CTNNA3: variants seen among roughly 807,000 people sequenced by gnomAD.
CTNNA3 encodes the protein catenin alpha 3.
CTNNA3 carries 76 observed loss-of-function variants against 95.7 expected under a neutral mutation model. The ratio of observed to expected loss-of-function variants is 0.79; its 90% CI spans 0.66 to 0.96. The LOEUF is 0.96. Among genes scored for constraint, CTNNA3 ranks in the 40% least tolerant of loss-of-function variants. The pLI, the probability that CTNNA3 is intolerant of heterozygous loss-of-function variation, is 0.00. For synonymous variants in CTNNA3, 431 were observed against 374.4 expected (o/e 1.15, Z -1.74); for missense variants, 1,191 against 1,089.8 (o/e 1.09, Z -1.31).
chr10:66,131,200 C>T (rs558952976), intron 13 of CTNNA3, among the ~76,000 whole-genome samples: 2 of 152,172 alleles, frequency 1.3e-5, no homozygotes, highest in South Asian at 4.1e-4. Context: ...AGGAGGTGCC[C>T]CCTCTTCAAC....
Position 66,976,641 on chromosome 10 carries a change from C to T in CTNNA3, c.1048-201117G>A, listed in dbSNP as rs557849331. ...ATTTTTGGCCCTTTTCAATACTAAT[C>T]AAACTTACTTTTCCAATCTTATTTT... On this transcript the variant is annotated intron_variant, in intron 7 of 17. Coordinates refer to ENST00000433211, the MANE Select transcript of CTNNA3 (RefSeq NM_013266.4). 3.3e-5 allele frequency among the ~76,000 whole-genome samples: 5 copies of T among 152,288 alleles called. No homozygotes were observed. The South Asian group carries it at 1.0e-3, about 32-fold the overall frequency.
intron 11 of CTNNA3, among the ~76,000 whole-genome samples, chr10:66,458,098 A>AC (rs1006861911): frequency 3.9e-5 from 6 of 152,054 alleles, no homozygotes; most frequent in African/African-American, 1.4e-4. Flanking sequence ...AAGCCCAGAA[A>AC]CCCCTCTCCT....
intron 7 of CTNNA3, among the ~76,000 whole-genome samples, chr10:67,046,944 A>ACTATATGTTTG (rs1854789805): frequency 2.6e-5 from 4 of 152,236 alleles, no homozygotes; most frequent in Non-Finnish European, 5.9e-5. Context: ...TAGGTAAAGA[A>ACTATATGTTTG]GAAATAATTA....
At chr10:66,271,465 C>G (rs535611797) in intron 13 of CTNNA3, among the ~76,000 whole-genome samples, 16 of 152,120 alleles carry the variant, frequency 1.1e-4, no homozygotes, top group African/African-American at 3.9e-4. Flanking sequence ...AGATTGAATA[C>G]TTAATATAAA....
chr10:65,951,359 C>T (rs905004471), intron 17 of CTNNA3, among the ~76,000 whole-genome samples: 2 of 152,028 alleles, frequency 1.3e-5, no homozygotes, highest in Non-Finnish European at 1.5e-5. Flanking sequence ...AAGAAATGGA[C>T]CCAAAGAGAT....
chr10:67,491,943 G>A lies in CTNNA3; in HGVS notation c.579+29899C>T, dbSNP rs376693709. Reference sequence around the variant, plus strand: ...ATTTACAATATATGATATATAATACGTTTAAATTTTGGACATCTTGAGCTT... The same window carrying A: ...ATTTACAATATATGATATATAATACATTTAAATTTTGGACATCTTGAGCTT... On this transcript the variant is annotated intron_variant, in intron 5 of 17. Transcript: ENST00000433211. 3.6e-4 allele frequency among the ~76,000 whole-genome samples: 55 copies of A among 152,094 alleles called. No homozygotes were observed. In the South Asian group the frequency reaches 8.5e-3, roughly 24 times the overall value.
At position 66,389,672 on chromosome 10, in the gene CTNNA3, T is replaced by C. The variant is rs181487374; in HGVS notation, c.1532-10320A>G. Among the ~76,000 whole-genome samples the C allele has an allele frequency of 5.9e-3, 901 of 152,068 alleles. 12 individuals carry two copies. Among genetic ancestry groups the C allele is most frequent in the Non-Finnish European group, 9.1e-3 (617 of 67,974 alleles). ...AGCACAATAAAATTTTGAAATGCAT[T>C]TTTAAAATTATAATTTTTTCTAGTT... On this transcript the variant is annotated intron_variant, in intron 11 of 17. Transcript: ENST00000433211.
intron 3 of CTNNA3, among the ~76,000 whole-genome samples, chr10:67,600,835 A>G (rs1843061690): frequency 6.6e-6 from 1 of 152,196 alleles, no homozygotes; most frequent in Non-Finnish European, 1.5e-5. Flanking sequence ...ACAGATAGAT[A>G]AATTATGGTT....
chr10:66,870,836 T>C (rs901441748), intron 7 of CTNNA3, among the ~76,000 whole-genome samples: 2 of 152,142 alleles, frequency 1.3e-5, no homozygotes, highest in African/African-American at 4.8e-5. Context: ...TGACCATAGA[T>C]TCTCATACCT....
At chr10:67,170,457 G>A (rs1163489253) in intron 7 of CTNNA3, among the ~76,000 whole-genome samples, 1 of 152,190 alleles carries the variant, frequency 6.6e-6, no homozygotes, top group Admixed American at 6.5e-5. Context: ...ATGAGATCGT[G>A]TCTTTTGTGG....
At chr10:66,882,012 C>T (rs957387618) in intron 7 of CTNNA3, among the ~76,000 whole-genome samples, 2 of 152,006 alleles carry the variant, frequency 1.3e-5, no homozygotes, top group East Asian at 1.9e-4. Context: ...TGGAGGAGTG[C>T]CAAATACACA....
upstream of CTNNA3, among the ~76,000 whole-genome samples, chr10:67,699,156 C>T (rs533118070): frequency 6.6e-6 from 1 of 152,314 alleles, no homozygotes; most frequent in Non-Finnish European, 1.5e-5. Context: ...ATCACCCTTT[C>T]TCCAATGATC....
At chr10:66,013,522 C>A (rs927919739) in intron 15 of CTNNA3, among the ~76,000 whole-genome samples, 29 of 152,196 alleles carry the variant, frequency 1.9e-4, no homozygotes, top group Admixed American at 1.8e-3. Context: ...TACACACATA[C>A]ACACATCACA....
chr10:66,757,170 C>A (rs1589221272), intron 9 of CTNNA3, among the ~76,000 whole-genome samples: 1 of 152,152 alleles, frequency 6.6e-6, no homozygotes, highest in Admixed American at 6.6e-5. Flanking sequence ...CAGCCTCATG[C>A]TCCTGAGCCC....
intron 7 of CTNNA3, among the ~76,000 whole-genome samples, chr10:66,818,661 ATG>A: frequency 6.6e-6 from 1 of 152,332 alleles, no homozygotes; most frequent in South Asian, 2.1e-4. Context: ...TATTCTCATG[ATG>A]TCAACAATAT....
At chr10:66,054,009 T>C (rs947179132) in intron 15 of CTNNA3, among the ~76,000 whole-genome samples, 4 of 152,188 alleles carry the variant, frequency 2.6e-5, no homozygotes, top group Non-Finnish European at 5.9e-5. Flanking sequence ...CTTATTTCAC[T>C]TAACGTAATA....
At chr10:67,225,439 C>A (rs1387817732) in intron 5 of CTNNA3, among the ~76,000 whole-genome samples, 2 of 152,182 alleles carry the variant, frequency 1.3e-5, no homozygotes, top group Non-Finnish European at 2.9e-5. Flanking sequence ...AGCATTAAAC[C>A]ACCAAAGCTA....
At position 66,697,075 on chromosome 10, in the gene CTNNA3, C is replaced by T. The variant is rs574173854; in HGVS notation, c.1281+69189G>A. On this transcript the variant is annotated intron_variant, in intron 9 of 17. Transcript: ENST00000433211. ...GGTGGAATTGTTAGGAAGCAACTGC[C>T]CATCCACAAAATATACCTGGAGAAT... Among the ~76,000 whole-genome samples, 38 of 151,926 alleles carry T rather than the reference C, an allele frequency of 2.5e-4. No homozygotes were observed. The South Asian group carries it at 5.0e-3, about 20-fold the overall frequency.
intron 7 of CTNNA3, among the ~76,000 whole-genome samples, chr10:67,150,149 A>G (rs1253310158): frequency 6.6e-6 from 1 of 152,150 alleles, no homozygotes; most frequent in Non-Finnish European, 1.5e-5. Flanking sequence ...TAAGGATAAA[A>G]ATTATTTTTA....
Sources: gnomAD v4.1 joint callset for allele counts (sites outside exome capture counted in the v4.1 genomes callset) on GRCh38, gnomAD v4.1.1 for gene constraint, MANE v1.5 for transcripts, NCBI Gene and HGNC (gene_info 2026-07-23, HGNC 2026-07-21) for gene names.